Variants in PLCG2 observed in about 807,000 individuals in gnomAD.
PLCG2 encodes the protein phospholipase C gamma 2.
In PLCG2, 69 loss-of-function variants were observed where a neutral mutation model predicts 175.6. That is an observed-to-expected ratio of 0.39 (90% CI 0.32 to 0.48). The LOEUF (loss-of-function observed/expected upper bound fraction) is 0.48, where lower values mean the gene tolerates loss of function less well. Among genes scored for constraint, PLCG2 ranks in the 20% least tolerant of loss-of-function variants. PLCG2 has a pLI of 0.91. For synonymous variants in PLCG2, 827 were observed against 624.0 expected (o/e 1.33, Z -4.85); for missense variants, 1,798 against 1,650.9 (o/e 1.09, Z -1.54).
At chr16:81,869,374 C>G in intron 6 of PLCG2, 76 bp downstream of exon 6, 1 of 1,032,400 alleles carries the variant, frequency 9.7e-7, no homozygotes. Context: ...CGTGGCTTGC[C>G]TTTGAGTTCC....
At chr16:81,885,454 G>GTGCCCGGCCCACTT (rs1908313644) in intron 9 of PLCG2, among the ~76,000 whole-genome samples, 1 of 152,188 alleles carries the variant, frequency 6.6e-6, no homozygotes, top group Admixed American at 6.5e-5. Flanking sequence ...GTGAGGCACT[G>GTGCCCGGCCCACTT]TGCCCGGCCC....
intron 9 of PLCG2, among the ~76,000 whole-genome samples, chr16:81,888,471 C>T (rs142955968): frequency 0.012 from 1,786 of 152,300 alleles, 56 homozygotes; most frequent in Admixed American, 0.022. Flanking sequence ...AGGCAGTCCA[C>T]CCGCCTCGGC....
At chr16:81,909,284 A>AT (rs148914633) in intron 17 of PLCG2, among the ~76,000 whole-genome samples, 1,820 of 152,246 alleles carry the variant, frequency 0.012, 21 homozygotes, top group South Asian at 0.017. Context: ...CCCTCCCTTT[A>AT]TTGGGGGGGT....
chr16:81,877,034 G>T (rs556937089), intron 7 of PLCG2, among the ~76,000 whole-genome samples: 1 of 152,176 alleles, frequency 6.6e-6, no homozygotes, highest in Admixed American at 6.5e-5. Flanking sequence ...CTGAAATGGG[G>T]CTTATTTTAC....
At chr16:81,822,319 C>G (rs763216957) in intron 2 of PLCG2, among the ~76,000 whole-genome samples, 3 of 152,120 alleles carry the variant, frequency 2.0e-5, no homozygotes, top group Non-Finnish European at 4.4e-5. Flanking sequence ...CCAGAGATGT[C>G]CATGTCCTGC....
At chr16:81,804,529 T>A (rs1011432486) in intron 2 of PLCG2, among the ~76,000 whole-genome samples, 1 of 152,256 alleles carries the variant, frequency 6.6e-6, no homozygotes, top group Non-Finnish European at 1.5e-5. Context: ...TCAAGAATCA[T>A]ACATTTTAAC....
intron 1 of PLCG2, among the ~76,000 whole-genome samples, chr16:81,750,438 A>AC (rs1909786041): frequency 6.6e-6 from 1 of 151,300 alleles, no homozygotes; most frequent in Non-Finnish European, 1.5e-5. Flanking sequence ...AAAAAAAAAA[A>AC]AAAATCCAGC....
upstream of PLCG2, among the ~76,000 whole-genome samples, chr16:81,775,962 G>T (rs937998244): frequency 6.6e-6 from 1 of 151,590 alleles, no homozygotes; most frequent in Non-Finnish European, 1.5e-5. Context: ...ACAGGCTGAG[G>T]TTCAAATCCA....
At chr16:81,923,722 T>C in intron 22 of PLCG2, 128 bp downstream of exon 22, 1 of 585,784 alleles carries the variant, frequency 1.7e-6, no homozygotes, top group East Asian at 2.8e-5. Flanking sequence ...CCTCTTGTGT[T>C]AAGTCCCTTC....
intron 2 of PLCG2, among the ~76,000 whole-genome samples, chr16:81,769,358 A>G (rs1048145504): frequency 9.8e-5 from 15 of 152,328 alleles, no homozygotes; most frequent in South Asian, 4.1e-4. Context: ...AGAGGGTGCA[A>G]GAGAATGATA....
intron 1 of PLCG2, among the ~76,000 whole-genome samples, chr16:81,753,969 GCCTGTGTGAGGCGCTGC>G (rs993383977): frequency 6.6e-6 from 1 of 152,128 alleles, no homozygotes; most frequent in Admixed American, 6.5e-5. Flanking sequence ...TGGAGGCTGA[GCCTGTGTGAGGCGCTGC>G]CCTGTGTCTT....
chr16:81,959,450 G>C lies in PLCG2; in HGVS notation c.*1452G>C, dbSNP rs1911701311. On this transcript the variant is annotated 3_prime_UTR_variant, in exon 33 of 33. Coordinates refer to ENST00000564138, the MANE Select transcript of PLCG2 (RefSeq NM_002661.5). ...ATACAGTGCCAAGATTTGGGGGTGT[G>C]GATGTTTAAACAAAAAGCTGTGGGT... 1 of 218,962 alleles carries C rather than the reference G, an allele frequency of 4.6e-6. No homozygotes were observed. The highest frequency in any genetic ancestry group is 2.2e-5 in the African/African-American group (1 of 44,478). 13.6% of individuals were successfully genotyped at this position (218,962 alleles called of 1,614,324 possible). A position where few individuals can be genotyped will look rare whatever the true frequency, so the allele number is the denominator to read the frequency against.
intron 1 of PLCG2, among the ~76,000 whole-genome samples, chr16:81,751,434 A>G (rs1282792988): frequency 6.6e-6 from 1 of 152,242 alleles, no homozygotes; most frequent in African/African-American, 2.4e-5. Flanking sequence ...TCAAACTCAT[A>G]GAAGCAGAGA....
chr16:81,918,123 C>T (rs1274183717), intron 19 of PLCG2, among the ~76,000 whole-genome samples: 1 of 152,160 alleles, frequency 6.6e-6, no homozygotes, highest in Non-Finnish European at 1.5e-5. Flanking sequence ...GTTCAGTTTG[C>T]AGATGTTTTT....
chr16:81,940,460 G>GGT (rs1555522918), intron 30 of PLCG2, among the ~76,000 whole-genome samples: 2 of 145,994 alleles, frequency 1.4e-5, no homozygotes, highest in African/African-American at 4.9e-5. Flanking sequence ...GGCATCTTGG[G>GGT]GGGGGAGTAA....
intron 15 of PLCG2, among the ~76,000 whole-genome samples, chr16:81,907,071 A>G (rs58737360): frequency 0.1 from 15,288 of 150,518 alleles, 975 homozygotes; most frequent in African/African-American, 0.16. Context: ...CAGCACACCA[A>G]CATGGCACAT....
intron 7 of PLCG2, among the ~76,000 whole-genome samples, chr16:81,874,948 G>GTTTTTTTTTTTTT (rs770994063): frequency 1.5e-4 from 6 of 40,764 alleles, no homozygotes; most frequent in East Asian, 8.4e-4. Context: ...TATCCTATGT[G>GTTTTTTTTTTTTT]TTTTTTTTTT....
chr16:81,848,704 T>G (rs1175129224), intron 2 of PLCG2, among the ~76,000 whole-genome samples: 1 of 152,130 alleles, frequency 6.6e-6, no homozygotes, highest in Non-Finnish European at 1.5e-5. Flanking sequence ...CAAGAACTAC[T>G]TATTGGGCCC....
At chr16:81,853,430 A>C (rs567726363) in intron 2 of PLCG2, among the ~76,000 whole-genome samples, 2 of 152,192 alleles carry the variant, frequency 1.3e-5, no homozygotes, top group South Asian at 2.1e-4. Context: ...TTTTGGTACC[A>C]GTGACCAGTT....
Sources: allele counts gnomAD v4.1 joint callset (sites outside exome capture counted in the v4.1 genomes callset), GRCh38; gene constraint gnomAD v4.1.1; transcripts MANE v1.5; gene names NCBI Gene and HGNC (gene_info 2026-07-23, HGNC 2026-07-21).